ADAMTS6: variants seen among roughly 807,000 people sequenced by gnomAD.
The protein encoded by ADAMTS6 is ADAM metallopeptidase with thrombospondin type 1 motif 6, also known as A disintegrin and metalloproteinase with thrombospondin motifs 6.
In ADAMTS6, 23 loss-of-function variants were observed where a neutral mutation model predicts 144.3. The observed-to-expected ratio is 0.16, with a 90% CI of 0.11 to 0.23. The LOEUF is 0.23. Ranked by LOEUF, ADAMTS6 falls within the 10% of genes least tolerant of loss-of-function variation. The pLI, the probability that ADAMTS6 is intolerant of heterozygous loss-of-function variation, is 1.00. For synonymous variants in ADAMTS6, 444 were observed against 457.5 expected (o/e 0.97, Z 0.38); for missense variants, 999 against 1,379.6 (o/e 0.72, Z 4.37).
chr5:65,425,381 T>C (rs147054058), intron 7 of ADAMTS6, among the ~76,000 whole-genome samples: 1 of 152,178 alleles, frequency 6.6e-6, no homozygotes, highest in African/African-American at 2.4e-5. Context: ...TCCTACCTAA[T>C]GGATTTTTCT....
chr5:65,427,095 A>C lies in ADAMTS6; in HGVS notation c.1073+24380T>G, dbSNP rs565975345. 1.3e-3 allele frequency among the ~76,000 whole-genome samples: 197 copies of C among 152,306 alleles called. 1 individual carries two copies. In the Middle Eastern group the frequency reaches 0.014, roughly 11 times the overall value. On this transcript the variant is annotated intron_variant, in intron 7 of 24. Coordinates refer to ENST00000381055, the MANE Select transcript of ADAMTS6 (RefSeq NM_197941.4). ...TAAATAATAGAAAAGGGTTAGAAGTAAAAGGATAGAAAAAATACCAACACT... is the reference window on the plus strand; with the variant it reads ...TAAATAATAGAAAAGGGTTAGAAGTCAAAGGATAGAAAAAATACCAACACT...
At chr5:65,281,100 C>T (rs766471137) in intron 11 of ADAMTS6, among the ~76,000 whole-genome samples, 2 of 152,116 alleles carry the variant, frequency 1.3e-5, no homozygotes, top group African/African-American at 4.8e-5. Context: ...ATTTGTATCT[C>T]ATTTATTCAT....
intron 9 of ADAMTS6, among the ~76,000 whole-genome samples, chr5:65,305,333 T>C (rs138443652): frequency 5.6e-4 from 85 of 152,210 alleles, no homozygotes; most frequent in Admixed American, 9.2e-4. Flanking sequence ...CGAGGATACA[T>C]AGGGATTCAA....
intron 7 of ADAMTS6, among the ~76,000 whole-genome samples, chr5:65,403,406 T>C (rs1182237802): frequency 6.6e-6 from 1 of 152,134 alleles, no homozygotes; most frequent in African/African-American, 2.4e-5. Context: ...TCTTCCCTTC[T>C]GAAATCCAGG....
At chr5:65,449,015 TCTC>T (rs1758518505) in intron 7 of ADAMTS6, among the ~76,000 whole-genome samples, 1 of 152,070 alleles carries the variant, frequency 6.6e-6, no homozygotes, top group Admixed American at 6.6e-5. Flanking sequence ...CACTGGTACC[TCTC>T]CTCTGATCCT....
Position 65,291,528 on chromosome 5 carries a change from A to G in ADAMTS6, c.1371-58T>C, listed in dbSNP as rs1742304012. 4.0e-6 allele frequency: 6 copies of G among 1,507,308 alleles called. No individual in the cohort carries two copies. The East Asian group carries it at 7.1e-5, about 18-fold the overall frequency. The allele number at this position is 1,507,308 out of a possible 1,614,324, so 93.4% of individuals were successfully genotyped here. On this transcript the variant is annotated intron_variant, in intron 10 of 24. Coordinates refer to ENST00000381055, the MANE Select transcript of ADAMTS6 (RefSeq NM_197941.4). Reference sequence around the variant, plus strand: ...TATTCTATGGGCTATTTTAGTCACAATTATGAAACCACGTGTTGAGCTTTG... The same window carrying G: ...TATTCTATGGGCTATTTTAGTCACAGTTATGAAACCACGTGTTGAGCTTTG...
intron 3 of ADAMTS6, among the ~76,000 whole-genome samples, chr5:65,468,174 A>G (rs1760168498): frequency 6.6e-6 from 1 of 152,178 alleles, no homozygotes; most frequent in South Asian, 2.1e-4. Flanking sequence ...GAATGGTGCA[A>G]GAGTCCCAGC....
intron 4 of ADAMTS6, 97 bp downstream of exon 4, chr5:65,460,073 T>C: frequency 1.5e-6 from 2 of 1,347,842 alleles, no homozygotes; most frequent in Non-Finnish European, 9.9e-7. Flanking sequence ...GTCAAACTCC[T>C]ACTTCCTTTT....
chr5:65,300,459 C>A (rs1052692334), intron 9 of ADAMTS6, among the ~76,000 whole-genome samples: 1 of 152,132 alleles, frequency 6.6e-6, no homozygotes, highest in Non-Finnish European at 1.5e-5. Context: ...AGATAAACGA[C>A]CTGCTAAAGA....
chr5:65,389,971 A>C (rs1385389949), intron 7 of ADAMTS6, among the ~76,000 whole-genome samples: 2 of 152,130 alleles, frequency 1.3e-5, no homozygotes, highest in African/African-American at 4.8e-5. Context: ...GTTCAAGAGA[A>C]CTCTCAAAGC....
In ADAMTS6 at chr5:65,331,314, G is replaced by A. The variant is rs577663419; in HGVS notation, c.1118-1831C>T. ...TTTTGGGTTTTGTTGTTGTTGTGTC[G>A]TTTTTTGGTATGTGCCATGTGGCTG... is the stretch of plus-strand genomic sequence containing the variant. On this transcript the variant is annotated intron_variant, in intron 8 of 24. Transcript: ENST00000381055. 7.3e-4 allele frequency among the ~76,000 whole-genome samples: 111 copies of A among 151,938 alleles called. No individual in the cohort carries two copies. The Middle Eastern group carries it at 0.014, about 19-fold the overall frequency.
chr5:65,334,208 T>A, intron 7 of ADAMTS6, 123 bp from the exon 8 acceptor site: 1 of 1,115,714 alleles, frequency 9.0e-7, no homozygotes, highest in Non-Finnish European at 1.3e-6. Flanking sequence ...AGCAATCAAC[T>A]GGAGTGTCGG....
chr5:65,343,672 C>T (rs1418078881), intron 7 of ADAMTS6, among the ~76,000 whole-genome samples: 1 of 151,922 alleles, frequency 6.6e-6, no homozygotes, highest in Non-Finnish European at 1.5e-5. Context: ...AAAGCACAGG[C>T]CACAAAAGCA....
At chr5:65,213,017 G>C (rs2112320646) in intron 20 of ADAMTS6, among the ~76,000 whole-genome samples, 1 of 152,320 alleles carries the variant, frequency 6.6e-6, no homozygotes, top group East Asian at 1.9e-4. Context: ...ATAAAAGATA[G>C]ATATATGTAT....
intron 21 of ADAMTS6, among the ~76,000 whole-genome samples, chr5:65,189,564 G>A (rs990094951): frequency 7.2e-5 from 11 of 152,140 alleles, no homozygotes; most frequent in South Asian, 2.1e-4. Flanking sequence ...GCTGTGTTAC[G>A]TAAATCTTAT....
At chr5:65,456,784 C>T (rs1759243376) in intron 4 of ADAMTS6, among the ~76,000 whole-genome samples, 1 of 152,070 alleles carries the variant, frequency 6.6e-6, no homozygotes, top group Admixed American at 6.6e-5. Flanking sequence ...AAGTAATTTT[C>T]AGTTTCTTCT....
intron 8 of ADAMTS6, among the ~76,000 whole-genome samples, chr5:65,332,322 G>GCT (rs1561433925): frequency 6.7e-5 from 10 of 148,546 alleles, no homozygotes; most frequent in Admixed American, 1.3e-4. Context: ...TAGAGAGAGA[G>GCT]AGAGAGAGAG....
chr5:65,338,745 GACC>G (rs1747548946), intron 7 of ADAMTS6, among the ~76,000 whole-genome samples: 1 of 151,962 alleles, frequency 6.6e-6, no homozygotes, highest in Non-Finnish European at 1.5e-5. Context: ...GAAGTCATGT[GACC>G]ACATCCCAGG....
At chr5:65,197,276 G>A in intron 20 of ADAMTS6, 125 bp from the exon 21 acceptor site, 1 of 838,352 alleles carries the variant, frequency 1.2e-6, no homozygotes, top group Non-Finnish European at 1.7e-6. Context: ...GTTCCACATT[G>A]GACTGCTTCT....
Sources: gnomAD v4.1 joint callset for allele counts (sites outside exome capture counted in the v4.1 genomes callset) on GRCh38, gnomAD v4.1.1 for gene constraint, MANE v1.5 for transcripts, NCBI Gene and HGNC (gene_info 2026-07-23, HGNC 2026-07-21) for gene names.